Variants in EIF3M observed in about 807,000 individuals in gnomAD.
The protein encoded by EIF3M is eukaryotic translation initiation factor 3 subunit M.
EIF3M carries 25 observed loss-of-function variants against 49.7 expected under a neutral mutation model. That is an observed-to-expected ratio of 0.50 (90% CI 0.37 to 0.70). The LOEUF (loss-of-function observed/expected upper bound fraction) is 0.70. EIF3M is among the 30% of genes least tolerant of loss of function. EIF3M has a pLI of 0.00. For synonymous variants in EIF3M, 156 were observed against 149.8 expected (o/e 1.04, Z -0.30); for missense variants, 350 against 440.0 (o/e 0.80, Z 1.83).
In EIF3M at chr11:32,602,578, T is replaced by C; in HGVS notation, c.*179T>C. ...AGGGGTCACAATGTCTGTCATACAA[T>C]ACATAAATTCTGTTCTTTAAAAAAG... On this transcript the variant is annotated 3_prime_UTR_variant, in exon 11 of 11. Transcript: ENST00000531120. 1 of 818,804 alleles carries C rather than the reference T, an allele frequency of 1.2e-6. No individual in the cohort carries two copies. Among genetic ancestry groups the C allele is most frequent in the Non-Finnish European group, 1.8e-6 (1 of 544,646 alleles). 50.7% of individuals were successfully genotyped at this position (818,804 alleles called of 1,614,324 possible).
intron 2 of EIF3M, 40 bp from the exon 3 acceptor site, chr11:32,588,554 T>G: frequency 1.2e-6 from 2 of 1,603,238 alleles, no homozygotes; most frequent in Non-Finnish European, 1.7e-6. Context: ...CATTGAGTAT[T>G]GTAGTATCAC....
intron 5 of EIF3M, chr11:32,592,283 G>A (rs137976897): frequency 1.6e-5 from 8 of 491,832 alleles, no homozygotes; most frequent in East Asian, 4.9e-5. Context: ...TTAATAGAGT[G>A]TTATTTCTGA....
At chr11:32,586,985 G>C in intron 1 of EIF3M, 27 bp from the exon 2 acceptor site, 2 of 1,580,326 alleles carry the variant, frequency 1.3e-6, no homozygotes, top group Non-Finnish European at 1.7e-6. Context: ...TTCGTAGTCA[G>C]TTTTATAATA....
At chr11:32,593,006 C>G (rs1278315971) in intron 5 of EIF3M, among the ~76,000 whole-genome samples, 1 of 152,218 alleles carries the variant, frequency 6.6e-6, no homozygotes, top group African/African-American at 2.4e-5. Context: ...GCCATGCCTA[C>G]AGTGGTATTT....
intron 5 of EIF3M, 113 bp from the exon 6 acceptor site, chr11:32,593,753 C>G (rs1023714396): frequency 1.7e-6 from 1 of 604,626 alleles, no homozygotes; most frequent in Non-Finnish European, 2.5e-6. Context: ...GGGACTTTGT[C>G]TCTCTTAGTC....
intron 10 of EIF3M, 135 bp from the exon 11 acceptor site, chr11:32,602,144 T>C (rs890875743): frequency 6.3e-6 from 8 of 1,279,038 alleles, no homozygotes; most frequent in South Asian, 1.4e-5. Context: ...AATTATGTAA[T>C]TCTTAAATTC....
intron 1 of EIF3M, chr11:32,584,178 C>T (rs1308813290): frequency 1.7e-6 from 1 of 576,250 alleles, no homozygotes; most frequent in Non-Finnish European, 3.1e-6. Flanking sequence ...GGACTCATTT[C>T]TGACGACATA....
intron 5 of EIF3M, chr11:32,592,267 C>T (rs888095109): frequency 4.2e-5 from 19 of 455,708 alleles, no homozygotes; most frequent in East Asian, 1.6e-4. Flanking sequence ...ACTTCACTAA[C>T]GCCTGTTAAT....
intron 1 of EIF3M, among the ~76,000 whole-genome samples, chr11:32,584,839 G>C (rs908892142): frequency 3.3e-5 from 5 of 152,106 alleles, no homozygotes; most frequent in Admixed American, 2.6e-4. Flanking sequence ...TTGGTATACA[G>C]GGCTGATGGT....
intron 9 of EIF3M, chr11:32,601,514 A>G (rs1168919295): frequency 1.9e-5 from 6 of 311,262 alleles, no homozygotes; most frequent in Non-Finnish European, 2.9e-5. Flanking sequence ...AAAAAAAAAA[A>G]AAAAAAAAAC....
intron 5 of EIF3M, chr11:32,591,893 A>G (rs1855108107): frequency 7.7e-6 from 2 of 261,276 alleles, no homozygotes; most frequent in Non-Finnish European, 1.5e-5. Context: ...GTCATTGTCC[A>G]CTGTAATATC....
intron 9 of EIF3M, chr11:32,601,035 T>C: frequency 2.0e-6 from 1 of 495,580 alleles, no homozygotes; most frequent in Non-Finnish European, 3.2e-6. Context: ...TCCCTTGAAA[T>C]CACGTAGAAC....
At chr11:32,584,000 G>A (rs1423179928) in intron 1 of EIF3M, 71 bp downstream of exon 1, 2 of 1,593,256 alleles carry the variant, frequency 1.3e-6, no homozygotes, top group Non-Finnish European at 1.7e-6. Flanking sequence ...GACCGCTGCC[G>A]AGCCTGGGCC....
Position 32,595,970 on chromosome 11 carries a change from T to C in EIF3M, c.722T>C (p.Leu241Ser). ...FLEGELIHDL[L>S]TIFVSAKLAS... ...TTTTGTCTCTTATCTGTATAGCTTT[T>C]AACCATTTTTGTGAGTGCTAAATTG... The change falls in exon 8 of 11, where the codon TTA becomes TCA. Residue 241 changes from leucine to serine, a missense_variant. Coordinates refer to ENST00000531120, the MANE Select transcript of EIF3M (RefSeq NM_006360.6). The C allele has an allele frequency of 6.3e-7, 1 of 1,577,466 alleles. No individual in the cohort carries two copies. The highest frequency in any genetic ancestry group is 8.6e-7 in the Non-Finnish European group (1 of 1,168,602).
intron 5 of EIF3M, chr11:32,592,272 G>T (rs1590519595): frequency 2.1e-6 from 1 of 472,592 alleles, no homozygotes; most frequent in East Asian, 5.1e-5. Context: ...ACTAACGCCT[G>T]TTAATAGAGT....
Position 32,600,793 on chromosome 11 carries a change from C to A in EIF3M, c.904C>A (p.Gln302Lys). 1.9e-6 allele frequency: 3 copies of A among 1,610,208 alleles called. No homozygotes were observed. Among genetic ancestry groups the A allele is most frequent in the Non-Finnish European group, 2.5e-6 (3 of 1,177,824 alleles). The part of the protein sequence containing the change: ...ISFDTMQQEL[Q>K]IGADDVEAFV... Reference sequence around the variant, plus strand: ...TTTTGACACAATGCAGCAAGAACTTCAGATTGGAGCTGATGATGTTGAAGC... The same window carrying A: ...TTTTGACACAATGCAGCAAGAACTTAAGATTGGAGCTGATGATGTTGAAGC... The change falls in exon 9 of 11, where the codon CAG (glutamine) becomes AAG (lysine). Residue 302 changes from glutamine to lysine, a missense_variant. By Grantham distance (53) the Gln-to-Lys change is moderately conservative. Coordinates refer to ENST00000531120, the MANE Select transcript of EIF3M (RefSeq NM_006360.6).
At chr11:32,596,139 G>A in intron 8 of EIF3M, 92 bp downstream of exon 8, 2 of 998,312 alleles carry the variant, frequency 2.0e-6, no homozygotes, top group East Asian at 2.9e-5. Flanking sequence ...TATGGCTGTG[G>A]CCTTATTTGT....
rs780500967 is a variant in EIF3M, at chr11:32,602,445, T to A, written c.*46T>A. 2 of 1,592,560 alleles carry A rather than the reference T, an allele frequency of 1.3e-6. No homozygotes were observed. Among genetic ancestry groups the A allele is most frequent in the Non-Finnish European group, 1.7e-6 (2 of 1,170,000 alleles). ...TGTTCTTTGAAAAAAAAGCCCTAAA[T>A]CATAGTAAAACATTATAAACTAAAA... On this transcript the variant is annotated 3_prime_UTR_variant, in exon 11 of 11. Transcript: ENST00000531120.
At chr11:32,593,148 G>T (rs1855128253) in intron 5 of EIF3M, among the ~76,000 whole-genome samples, 1 of 151,984 alleles carries the variant, frequency 6.6e-6, no homozygotes, top group South Asian at 2.1e-4. Context: ...TTTAGAAAAT[G>T]AAAAAAGGAA....
Sources: gnomAD v4.1 joint callset for allele counts (sites outside exome capture counted in the v4.1 genomes callset) on GRCh38, gnomAD v4.1.1 for gene constraint, MANE v1.5 for transcripts, NCBI Gene and HGNC (gene_info 2026-07-23, HGNC 2026-07-21) for gene names.